The following LSAMP variants were observed in gnomAD, a reference collection of about 807,000 sequenced individuals.
The protein encoded by LSAMP is limbic system associated membrane protein.
A neutral mutation model predicts 38.6 loss-of-function variants in LSAMP; 7 were observed. The ratio of observed to expected loss-of-function variants is 0.18; its 90% CI spans 0.10 to 0.34. LSAMP has a LOEUF of 0.34. Among genes scored for constraint, LSAMP ranks in the 10% least tolerant of loss-of-function variants. The pLI is 1.00. For missense variants in LSAMP, 313 were observed against 420.0 expected (o/e 0.75, Z 2.23); for synonymous variants, 154 against 166.8 (o/e 0.92, Z 0.59).
chr3:115,912,103 C>T (rs556591636), intron 3 of LSAMP, among the ~76,000 whole-genome samples: 5 of 152,174 alleles, frequency 3.3e-5, no homozygotes, highest in African/African-American at 1.2e-4. Context: ...CACTCTGTAC[C>T]CTGTCTTTTC....
chr3:115,851,904 C>T lies in LSAMP; in HGVS notation c.649+579G>A, dbSNP rs114821878. Among the ~76,000 whole-genome samples, 1,310 of 152,230 alleles carry T rather than the reference C, an allele frequency of 8.6e-3. 4 individuals carry two copies. The highest frequency in any genetic ancestry group is 0.014 in the Non-Finnish European group (925 of 68,012). On this transcript the variant is annotated intron_variant, in intron 4 of 6. Coordinates refer to ENST00000490035, the MANE Select transcript of LSAMP (RefSeq NM_002338.5). ...GAGAAGTTCAAAGTATGCCCACTTA[C>T]CTATGCATCTTAGTGAAATCTTCCT...
chr3:116,203,130 T>C (rs1198753509), intron 1 of LSAMP, among the ~76,000 whole-genome samples: 1 of 152,198 alleles, frequency 6.6e-6, no homozygotes, highest in Non-Finnish European at 1.5e-5. Context: ...TTTCCTTTCA[T>C]GTCTTGCTGC....
intron 3 of LSAMP, among the ~76,000 whole-genome samples, chr3:115,992,125 A>G (rs1939687188): frequency 6.6e-6 from 1 of 152,100 alleles, no homozygotes; most frequent in African/African-American, 2.4e-5. Context: ...TGTATAAAAT[A>G]TGTTATAAAG....
chr3:116,322,515 C>A (rs925526988), intron 1 of LSAMP, among the ~76,000 whole-genome samples: 3 of 152,120 alleles, frequency 2.0e-5, no homozygotes, highest in African/African-American at 7.2e-5. Context: ...CATGCAAACA[C>A]CACCCATATC....
chr3:115,901,243 T>C (rs1936866755), intron 3 of LSAMP, among the ~76,000 whole-genome samples: 2 of 152,052 alleles, frequency 1.3e-5, no homozygotes. Context: ...AATCACTGGC[T>C]TTTGACAATG....
At chr3:116,317,512 C>G (rs1481538251) in intron 1 of LSAMP, among the ~76,000 whole-genome samples, 1 of 151,954 alleles carries the variant, frequency 6.6e-6, no homozygotes, top group Non-Finnish European at 1.5e-5. Flanking sequence ...CCCGCCACCA[C>G]GTCTGGCTAA....
intron 1 of LSAMP, among the ~76,000 whole-genome samples, chr3:116,319,465 T>A (rs1353186808): frequency 6.6e-6 from 1 of 152,210 alleles, no homozygotes; most frequent in Admixed American, 6.5e-5. Context: ...AATCTAATCA[T>A]ACTAGCCTAT....
intron 3 of LSAMP, among the ~76,000 whole-genome samples, chr3:115,869,267 GGGGAGAGAGAGAGA>G (rs1214817500): frequency 9.2e-6 from 1 of 108,706 alleles, no homozygotes; most frequent in Non-Finnish European, 1.9e-5. Context: ...TATCTTGGAG[GGGGAGAGAGAGAGA>G]GAGAGAGAGA....
intron 1 of LSAMP, among the ~76,000 whole-genome samples, chr3:116,208,534 A>C (rs1367930057): frequency 6.6e-6 from 1 of 151,970 alleles, no homozygotes; most frequent in Non-Finnish European, 1.5e-5. Flanking sequence ...TTGTGGTTTT[A>C]TCTACTTTTG....
intron 1 of LSAMP, among the ~76,000 whole-genome samples, chr3:116,422,403 A>C (rs998567883): frequency 6.6e-6 from 1 of 152,232 alleles, no homozygotes; most frequent in African/African-American, 2.4e-5. Flanking sequence ...AGGTATTATA[A>C]ATAATCTAGA....
chr3:116,078,990 G>A (rs1165263973), intron 2 of LSAMP, among the ~76,000 whole-genome samples: 1 of 151,946 alleles, frequency 6.6e-6, no homozygotes, highest in Non-Finnish European at 1.5e-5. Context: ...GGAAGGGCAG[G>A]GTTAGGAAAT....
At chr3:116,345,197 A>T (rs2048049311) in intron 1 of LSAMP, among the ~76,000 whole-genome samples, 1 of 152,162 alleles carries the variant, frequency 6.6e-6, no homozygotes, top group African/African-American at 2.4e-5. Context: ...AAAAAAAAGG[A>T]AGAGGTTTGA....
intron 3 of LSAMP, among the ~76,000 whole-genome samples, chr3:115,920,186 T>C (rs1937350724): frequency 6.6e-6 from 1 of 152,222 alleles, no homozygotes; most frequent in Non-Finnish European, 1.5e-5. Flanking sequence ...TTTCAATTCT[T>C]TTGTATAAAT....
At chr3:116,134,475 A>G (rs754838998) in intron 1 of LSAMP, among the ~76,000 whole-genome samples, 12 of 152,192 alleles carry the variant, frequency 7.9e-5, no homozygotes, top group African/African-American at 1.2e-4. Flanking sequence ...ATAATTTTCA[A>G]TGTCCTTACA....
intron 1 of LSAMP, among the ~76,000 whole-genome samples, chr3:116,255,653 G>C (rs1156558308): frequency 1.3e-5 from 2 of 152,030 alleles, no homozygotes; most frequent in Admixed American, 1.3e-4. Context: ...CTTACAATTT[G>C]CTACTCTTAA....
At chr3:115,846,460 C>A (rs1046731039) in intron 4 of LSAMP, among the ~76,000 whole-genome samples, 1 of 152,072 alleles carries the variant, frequency 6.6e-6, no homozygotes, top group African/African-American at 2.4e-5. Flanking sequence ...GAATAATATT[C>A]TGAATAGAAA....
chr3:116,427,999 T>C (rs1193964883), intron 1 of LSAMP, among the ~76,000 whole-genome samples: 1 of 152,222 alleles, frequency 6.6e-6, no homozygotes, highest in African/African-American at 2.4e-5. Context: ...TAATCTTACT[T>C]TGAAAATCTA....
intron 3 of LSAMP, among the ~76,000 whole-genome samples, chr3:115,863,435 G>GT (rs1157194201): frequency 6.6e-6 from 1 of 151,890 alleles, no homozygotes; most frequent in Non-Finnish European, 1.5e-5. Context: ...GGGTGGGAGG[G>GT]TAATAATTGA....
At chr3:115,853,533 G>A (rs1553740638) in intron 3 of LSAMP, among the ~76,000 whole-genome samples, 1 of 152,192 alleles carries the variant, frequency 6.6e-6, no homozygotes, top group Non-Finnish European at 1.5e-5. Flanking sequence ...CCCCTATGTG[G>A]AGAATAATTG....
Sources: allele counts gnomAD v4.1 joint callset (sites outside exome capture counted in the v4.1 genomes callset), GRCh38; gene constraint gnomAD v4.1.1; transcripts MANE v1.5; gene names NCBI Gene and HGNC (gene_info 2026-07-23, HGNC 2026-07-21).